PIK3C3: variants seen among roughly 807,000 people sequenced by gnomAD.
PIK3C3 encodes PI3-kinase type 3.
Under a neutral mutation model 126.1 loss-of-function variants are expected in PIK3C3, and 95 were observed. The observed-to-expected ratio is 0.75, with a 90% CI of 0.64 to 0.89. The LOEUF is 0.89. PIK3C3 is among the 40% of genes least tolerant of loss of function. PIK3C3 has a pLI of 0.00. For synonymous variants in PIK3C3, 374 were observed against 360.0 expected, an observed-to-expected ratio of 1.04 and a Z score of -0.44; for missense variants, 829 against 1,063.2, an observed-to-expected ratio of 0.78 and a Z score of 3.06.
chr18:42,009,545 G>A (rs1277013594), intron 10 of PIK3C3, among the ~76,000 whole-genome samples: 3 of 151,916 alleles, frequency 2.0e-5, no homozygotes, highest in Non-Finnish European at 4.4e-5. Flanking sequence ...TAATTTTGCT[G>A]TATGTTTATA....
chr18:42,022,712 G>A (rs1297599408), intron 13 of PIK3C3, among the ~76,000 whole-genome samples: 1 of 151,998 alleles, frequency 6.6e-6, no homozygotes, highest in African/African-American at 2.4e-5. Flanking sequence ...TACTTTAGCA[G>A]TTTAATATAA....
At chr18:42,016,181 T>C (rs1012667241) in intron 12 of PIK3C3, among the ~76,000 whole-genome samples, 3 of 152,196 alleles carry the variant, frequency 2.0e-5, no homozygotes, top group Admixed American at 6.5e-5. Context: ...TTTCAGTGTG[T>C]GTATATATAT....
chr18:41,999,507 G>C (rs1174333835), intron 9 of PIK3C3, among the ~76,000 whole-genome samples: 2 of 152,086 alleles, frequency 1.3e-5, no homozygotes, highest in African/African-American at 4.8e-5. Context: ...TGTGTCTCCT[G>C]ACAAGAAATT....
intron 10 of PIK3C3, among the ~76,000 whole-genome samples, chr18:42,005,391 G>A (rs1982495959): frequency 6.6e-6 from 1 of 152,176 alleles, no homozygotes; most frequent in African/African-American, 2.4e-5. Flanking sequence ...CATATATGTG[G>A]TCCTGTCTTG....
intron 23 of PIK3C3, among the ~76,000 whole-genome samples, chr18:42,066,044 A>G (rs899346844): frequency 6.6e-6 from 1 of 152,182 alleles, no homozygotes; most frequent in African/African-American, 2.4e-5. Context: ...AATAGTTCCA[A>G]AATTGTCAGA....
Position 42,004,383 on chromosome 18 carries a change from A to C in PIK3C3, c.1012A>C (p.Asn338His). Residue 338 changes from asparagine (N) to histidine (H), a missense_variant, in exon 10 of 25, where the codon AAT (asparagine) becomes CAT (histidine). Transcript: ENST00000262039. ...CTTGACAAAATTCTTGAAATGTGTT[A>C]ATTGGGATCTACCTCAAGAGGCCAA... ...KALTKFLKCV[N>H]WDLPQEAKQA... 1.9e-6 allele frequency: 3 copies of C among 1,611,096 alleles called. No homozygotes were observed. The highest frequency in any genetic ancestry group is 2.5e-6 in the Non-Finnish European group (3 of 1,179,200).
At chr18:42,021,580 T>A (rs572925156) in intron 13 of PIK3C3, among the ~76,000 whole-genome samples, 1 of 152,206 alleles carries the variant, frequency 6.6e-6, no homozygotes. Context: ...AAACTACTTA[T>A]ATCACTTTTT....
At chr18:42,062,238 CTT>C (rs59113345) in intron 22 of PIK3C3, among the ~76,000 whole-genome samples, 8 of 142,478 alleles carry the variant, frequency 5.6e-5, no homozygotes, top group African/African-American at 5.2e-5. Flanking sequence ...GAAAGAGCAT[CTT>C]TTTTTTTTTT....
At chr18:42,062,251 T>C (rs1598945833) in intron 22 of PIK3C3, among the ~76,000 whole-genome samples, 1 of 151,814 alleles carries the variant, frequency 6.6e-6, no homozygotes, top group African/African-American at 2.4e-5. Context: ...TTTTTTTTTT[T>C]TTTATAATAT....
intron 5 of PIK3C3, among the ~76,000 whole-genome samples, chr18:41,988,950 C>T (rs1189090299): frequency 2.0e-5 from 3 of 152,116 alleles, no homozygotes; most frequent in African/African-American, 7.2e-5. Context: ...CAGCCTTTTT[C>T]ATATTTTTAC....
chr18:41,957,173 A>T (rs1979822535), intron 1 of PIK3C3, among the ~76,000 whole-genome samples: 2 of 152,186 alleles, frequency 1.3e-5, no homozygotes, highest in Non-Finnish European at 2.9e-5. Flanking sequence ...CACTATGGTA[A>T]ATGTTTCCTG....
chr18:41,961,529 G>A (rs1021008773), intron 2 of PIK3C3, among the ~76,000 whole-genome samples: 7 of 152,190 alleles, frequency 4.6e-5, no homozygotes, highest in Middle Eastern at 3.4e-3. Flanking sequence ...TAAATGATTT[G>A]TTGTTTAAGT....
At chr18:42,078,383 CAAAAAAAAAAA>C (rs60269462) in intron 24 of PIK3C3, among the ~76,000 whole-genome samples, 1 of 72,844 alleles carries the variant, frequency 1.4e-5, no homozygotes, top group African/African-American at 5.2e-5. Context: ...GACTCTGTCT[CAAAAAAAAAAA>C]AAAAAAAAAA....
chr18:42,056,224 C>T (rs186820203), intron 21 of PIK3C3, among the ~76,000 whole-genome samples: 40 of 152,208 alleles, frequency 2.6e-4, no homozygotes, highest in African/African-American at 9.4e-4. Context: ...TTTGAAAATA[C>T]ATGGCTATTT....
chr18:42,004,290 G>A (rs1381137278), intron 9 of PIK3C3, 66 bp from the exon 10 acceptor site: 2 of 1,246,300 alleles, frequency 1.6e-6, no homozygotes, highest in African/African-American at 3.0e-5. Flanking sequence ...GTGGAACTCT[G>A]CCTAGTCAAC....
intron 3 of PIK3C3, among the ~76,000 whole-genome samples, chr18:41,964,331 G>A (rs1411164057): frequency 1.3e-5 from 2 of 152,110 alleles, no homozygotes; most frequent in African/African-American, 2.4e-5. Context: ...GGTTAGGAAA[G>A]CAAGTTGTAG....
At chr18:41,957,813 G>T in intron 2 of PIK3C3, 55 bp downstream of exon 2, 1 of 1,325,302 alleles carries the variant, frequency 7.5e-7, no homozygotes, top group Non-Finnish European at 1.0e-6. Flanking sequence ...CTTTCTTTAT[G>T]GATGCTGCAA....
intron 4 of PIK3C3, among the ~76,000 whole-genome samples, chr18:41,983,216 T>A (rs11082256): frequency 0.17 from 25,949 of 152,088 alleles, 2,470 homozygotes; most frequent in East Asian, 0.29. Context: ...GGCAGAGAAC[T>A]TGCTTCTTTT....
At chr18:41,956,911 A>G (rs1370785601) in intron 1 of PIK3C3, among the ~76,000 whole-genome samples, 2 of 152,220 alleles carry the variant, frequency 1.3e-5, no homozygotes, top group Non-Finnish European at 2.9e-5. Context: ...CTGGCACAGT[A>G]TCTGATGTAA....
Sources: allele counts gnomAD v4.1 joint callset (sites outside exome capture counted in the v4.1 genomes callset), GRCh38; gene constraint gnomAD v4.1.1; transcripts MANE v1.5; gene names NCBI Gene and HGNC (gene_info 2026-07-23, HGNC 2026-07-21).